SPTBN1: variants seen among roughly 807,000 people sequenced by gnomAD.
SPTBN1 encodes spectrin beta chain, non-erythrocytic 1.
A neutral mutation model predicts 266.4 loss-of-function variants in SPTBN1; 32 were observed. The observed-to-expected ratio is 0.12, with a 90% CI of 0.09 to 0.16. The LOEUF is 0.16. SPTBN1 is among the 10% of genes least tolerant of loss of function. The pLI is 1.00. For missense variants in SPTBN1, 2,296 were observed against 3,067.1 expected (o/e 0.75, Z 5.94); for synonymous variants, 1,336 against 1,162.2 (o/e 1.15, Z -3.04).
chr2:54,629,422 T>A lies in SPTBN1; in HGVS notation c.2288T>A (p.Ile763Asn). ...ADDIDAWMLD[I>N]LKIVSSSDVG... ...GACATTGATGCCTGGATGCTGGACA[T>A]CCTCAAGATTGTCTCCAGCAGCGAC... The change falls in exon 14 of 36, where the codon ATC becomes AAC. Residue 763 changes from isoleucine to asparagine, a missense_variant. By Grantham distance (149) the Ile-to-Asn change is moderately radical (BLOSUM62 -3). Coordinates refer to ENST00000356805, the MANE Select transcript of SPTBN1 (RefSeq NM_003128.3). 17 of 1,614,120 alleles carry A rather than the reference T, an allele frequency of 1.1e-5. No individual in the cohort carries two copies. The highest frequency in any genetic ancestry group is 1.4e-5 in the Non-Finnish European group (17 of 1,180,042).
chr2:54,466,617 T>G (rs10169422), intron 1 of SPTBN1, among the ~76,000 whole-genome samples: 1,772 of 99,912 alleles, frequency 0.018, 10 homozygotes, highest in Middle Eastern at 0.052. Context: ...AGTATGTTTA[T>G]TCTTAGAAAG....
intron 18 of SPTBN1, among the ~76,000 whole-genome samples, chr2:54,642,144 C>G (rs13004944): frequency 0.15 from 22,244 of 152,240 alleles, 1,724 homozygotes; most frequent in Middle Eastern, 0.19. Context: ...TGGCATGGCC[C>G]TTACAGGCAG....
At chr2:54,584,458 A>G (rs1337524845) in intron 2 of SPTBN1, among the ~76,000 whole-genome samples, 1 of 152,250 alleles carries the variant, frequency 6.6e-6, no homozygotes, top group African/African-American at 2.4e-5. Context: ...AAATTTTGAT[A>G]TCACTACTTA....
intron 8 of SPTBN1, 120 bp from the exon 9 acceptor site, chr2:54,622,180 G>T: frequency 9.5e-7 from 1 of 1,048,164 alleles, no homozygotes; most frequent in Non-Finnish European, 1.4e-6. Flanking sequence ...AACTGTTTCA[G>T]AGCTGGCCAA....
intron 2 of SPTBN1, among the ~76,000 whole-genome samples, chr2:54,568,969 C>A (rs1205073344): frequency 3.9e-5 from 6 of 152,218 alleles, no homozygotes; most frequent in African/African-American, 1.4e-4. Context: ...TAGTTTCATG[C>A]ACATCAAACT....
intron 1 of SPTBN1, among the ~76,000 whole-genome samples, chr2:54,463,727 A>G (rs1004801069): frequency 2.0e-5 from 3 of 152,226 alleles, no homozygotes; most frequent in Non-Finnish European, 4.4e-5. Flanking sequence ...TTTCAAATAA[A>G]CAGTTTGATT....
At chr2:54,657,708 T>C (rs950165223) in intron 29 of SPTBN1, 142 bp from the exon 30 acceptor site, 2 of 949,242 alleles carry the variant, frequency 2.1e-6, no homozygotes, top group Non-Finnish European at 3.1e-6. Flanking sequence ...TACATTTACA[T>C]TGGACAGGGC....
At chr2:54,660,023 C>A in intron 32 of SPTBN1, 24 bp downstream of exon 32, 1 of 1,614,190 alleles carries the variant, frequency 6.2e-7, no homozygotes, top group Non-Finnish European at 8.5e-7. Context: ...CTCAAACCTA[C>A]CAAAACTACA....
intron 34 of SPTBN1, among the ~76,000 whole-genome samples, chr2:54,666,730 G>A (rs1328072423): frequency 1.3e-5 from 2 of 152,252 alleles, no homozygotes; most frequent in Non-Finnish European, 1.5e-5. Flanking sequence ...AAAGTGGTTA[G>A]AATGCTTGTT....
rs201499544 is a variant in SPTBN1 at position 54,483,661 on chromosome 2, GGGCACAGGAA to G, written c.-48+27145_-48+27154del. ...TATAAAGAAAATGCCAAGTGTTCCT[GGGCACAGGAA>G]GTGGGTAGGAAGAGCTCTGAGAATG... On this transcript the variant is annotated intron_variant, in intron 1 of 35. Coordinates refer to ENST00000356805, the MANE Select transcript of SPTBN1 (RefSeq NM_003128.3). Among the ~76,000 whole-genome samples the G allele has an allele frequency of 9.5e-4, 144 of 152,266 alleles. 3 individuals carry two copies. The East Asian group carries it at 0.024, about 26-fold the overall frequency.
chr2:54,522,680 A>AG (rs1353072589), intron 1 of SPTBN1, among the ~76,000 whole-genome samples: 25 of 107,996 alleles, frequency 2.3e-4, no homozygotes, highest in South Asian at 6.2e-4. Context: ...GAGAGAGAGG[A>AG]GAGAGAGAGA....
Position 54,618,138 on chromosome 2 carries a change from T to G in SPTBN1, c.708T>G (p.Asn236Lys). The change falls in exon 7 of 36, where the codon AAT becomes AAG. Residue 236 changes from asparagine (N) to lysine (K), a missense_variant. Physicochemically the swap from Asn to Lys is moderately conservative, Grantham distance 94 (BLOSUM62 0). Coordinates refer to ENST00000356805, the MANE Select transcript of SPTBN1 (RefSeq NM_003128.3). ...CTAACGCACACTACAACCTGCAGAA[T>G]GCATTTAATCTGGCAGAACAGCACC... is the stretch of plus-strand genomic sequence containing the variant. ...KKSNAHYNLQ[N>K]AFNLAEQHLG... The G allele has an allele frequency of 6.2e-7, 1 of 1,614,224 alleles. No individual in the cohort carries two copies. Among genetic ancestry groups the G allele is most frequent in the Non-Finnish European group, 8.5e-7 (1 of 1,180,024 alleles).
At chr2:54,609,647 T>C (rs947295224) in intron 3 of SPTBN1, among the ~76,000 whole-genome samples, 1 of 152,112 alleles carries the variant, frequency 6.6e-6, no homozygotes, top group Non-Finnish European at 1.5e-5. Flanking sequence ...AGGGATGTTG[T>C]GTTTAGGGGC....
In SPTBN1 at chr2:54,664,577, C is replaced by T; in HGVS notation, c.6545C>T (p.Ala2182Val). ...SDRKAKTALP[A>V]QSAATLPART... is the part of the protein sequence containing the mutation. ...CGTAAAGCCAAGACTGCCCTCCCAG[C>T]CCAGAGTGCCGCCACCTTACCAGCC... Residue 2182 changes from alanine (A) to valine (V), a missense_variant, in exon 33 of 36, where the codon GCC becomes GTC. By Grantham distance (64) the Ala-to-Val change is moderately conservative. Transcript: ENST00000356805. The surrounding 1 kb of genome is among the most constrained non-coding windows in gnomAD (Gnocchi z 5.6). 4 of 1,614,176 alleles carry T rather than the reference C, an allele frequency of 2.5e-6. No homozygotes were observed. Among genetic ancestry groups the T allele is most frequent in the Non-Finnish European group, 3.4e-6 (4 of 1,180,034 alleles).
rs1453558338 is a variant in SPTBN1, at chr2:54,653,586, T to G, written c.5578-23T>G. The G allele has an allele frequency of 1.2e-6, 2 of 1,610,826 alleles. No individual in the cohort carries two copies. Among genetic ancestry groups the G allele is most frequent in the Admixed American group, 1.7e-5 (1 of 59,038 alleles). ...GAAGGCCGCCATGGGCTGACCTGGCTCATCCCCTACATGGCTTCACAGGTG... is the reference window on the plus strand; with the variant it reads ...GAAGGCCGCCATGGGCTGACCTGGCGCATCCCCTACATGGCTTCACAGGTG... On this transcript the variant is annotated intron_variant, in intron 26 of 35. Coordinates refer to ENST00000356805, the MANE Select transcript of SPTBN1 (RefSeq NM_003128.3). This position sits in a 1 kb window ranked among gnomAD's most constrained non-coding sequence, Gnocchi z 5.1.
At chr2:54,543,887 A>T (rs1006769391) in intron 2 of SPTBN1, among the ~76,000 whole-genome samples, 3 of 152,154 alleles carry the variant, frequency 2.0e-5, no homozygotes, top group Non-Finnish European at 2.9e-5. Flanking sequence ...GAACAATCCA[A>T]GTCAGACAGG....
intron 1 of SPTBN1, among the ~76,000 whole-genome samples, chr2:54,522,779 C>T (rs1180321169): frequency 1.3e-5 from 2 of 151,818 alleles, no homozygotes; most frequent in Non-Finnish European, 2.9e-5. Flanking sequence ...AAGAGAGATT[C>T]GCAGGTGGGG....
At chr2:54,474,828 A>G (rs1477150913) in intron 1 of SPTBN1, among the ~76,000 whole-genome samples, 1 of 152,168 alleles carries the variant, frequency 6.6e-6, no homozygotes, top group East Asian at 1.9e-4. Context: ...CTGCTGTTCT[A>G]CAGTAAGCAT....
intron 2 of SPTBN1, among the ~76,000 whole-genome samples, chr2:54,582,089 C>G (rs373906726): frequency 6.6e-6 from 1 of 152,090 alleles, no homozygotes; most frequent in Non-Finnish European, 1.5e-5. Flanking sequence ...TGAACTTGCT[C>G]AAAGCCTTCA....
Sources: gnomAD v4.1 joint callset for allele counts (sites outside exome capture counted in the v4.1 genomes callset) on GRCh38, gnomAD v4.1.1 for gene constraint, Gnocchi (gnomAD v3.1) non-coding constraint, MANE v1.5 for transcripts, NCBI Gene and HGNC (gene_info 2026-07-23, HGNC 2026-07-21) for gene names.